Variants in RAP1A observed in about 807,000 individuals in gnomAD.
RAP1A encodes the protein ras-related protein Rap-1A.
Under a neutral mutation model 26.4 loss-of-function variants are expected in RAP1A, and 6 were observed. That is an observed-to-expected ratio of 0.23 (90% confidence interval 0.12 to 0.45). The LOEUF (loss-of-function observed/expected upper bound fraction) is 0.45. Ranked by LOEUF, RAP1A falls within the 20% of genes least tolerant of loss-of-function variation. The pLI, the probability that RAP1A is intolerant of heterozygous loss-of-function variation, is 0.99. For missense variants in RAP1A, 121 were observed against 217.2 expected (o/e 0.56, Z 2.78); for synonymous variants, 73 against 79.4 (o/e 0.92, Z 0.43).
At chr1:111,549,191 T>C (rs1036553261) in intron 1 of RAP1A, among the ~76,000 whole-genome samples, 5 of 152,184 alleles carry the variant, frequency 3.3e-5, no homozygotes, top group Admixed American at 6.5e-5. Context: ...ATTGGTCTTA[T>C]AGAAGGTGTT....
At chr1:111,638,895 A>G (rs1369694411) in intron 1 of RAP1A, among the ~76,000 whole-genome samples, 1 of 151,200 alleles carries the variant, frequency 6.6e-6, no homozygotes, top group Non-Finnish European at 1.5e-5. Flanking sequence ...AAGTATATGT[A>G]TTTTAAGTAG....
chr1:111,547,401 T>A (rs1657072921), intron 1 of RAP1A, among the ~76,000 whole-genome samples: 1 of 152,106 alleles, frequency 6.6e-6, no homozygotes, highest in South Asian at 2.1e-4. Flanking sequence ...TTTTTATATA[T>A]CAAATCAATC....
intron 1 of RAP1A, among the ~76,000 whole-genome samples, chr1:111,613,861 T>C (rs1235613579): frequency 6.6e-6 from 1 of 152,228 alleles, no homozygotes. Context: ...GGCACTAATA[T>C]AGATAACATC....
intron 1 of RAP1A, among the ~76,000 whole-genome samples, chr1:111,642,170 G>A (rs750187484): frequency 4.6e-5 from 7 of 151,972 alleles, no homozygotes; most frequent in Non-Finnish European, 8.8e-5. Context: ...ACGTGAACCC[G>A]GGAGGCGGAG....
intron 1 of RAP1A, among the ~76,000 whole-genome samples, chr1:111,681,407 C>A (rs982452805): frequency 2.6e-5 from 4 of 152,106 alleles, no homozygotes; most frequent in Non-Finnish European, 5.9e-5. Flanking sequence ...CTCTTCCAAG[C>A]TAAAGTGCAT....
intron 1 of RAP1A, among the ~76,000 whole-genome samples, chr1:111,676,631 A>AT (rs1361463129): frequency 1.3e-5 from 2 of 152,188 alleles, no homozygotes; most frequent in Non-Finnish European, 2.9e-5. Flanking sequence ...GTAAATAAAT[A>AT]TACCTATACA....
At chr1:111,641,143 A>G (rs1659877566) in intron 1 of RAP1A, among the ~76,000 whole-genome samples, 1 of 152,244 alleles carries the variant, frequency 6.6e-6, no homozygotes, top group African/African-American at 2.4e-5. Context: ...ATATATGCAT[A>G]TATAGAAATA....
chr1:111,586,742 G>T (rs934082279), intron 1 of RAP1A, among the ~76,000 whole-genome samples: 11 of 152,204 alleles, frequency 7.2e-5, no homozygotes, highest in Non-Finnish European at 1.3e-4. Flanking sequence ...TGAAAGTATA[G>T]ATGAAAGGAT....
chr1:111,627,325 T>C (rs945028636), intron 1 of RAP1A: 1 of 152,312 alleles, frequency 6.6e-6, no homozygotes, highest in South Asian at 2.1e-4. Flanking sequence ...GATCATACTT[T>C]TTTTTCCTGA....
At chr1:111,638,887 G>A (rs1659806222) in intron 1 of RAP1A, among the ~76,000 whole-genome samples, 2 of 150,944 alleles carry the variant, frequency 1.3e-5, no homozygotes, top group Non-Finnish European at 2.9e-5. Context: ...TTTAAGACAA[G>A]TATATGTATT....
chr1:111,556,292 T>C lies in RAP1A; in HGVS notation c.-28+13783T>C, dbSNP rs1419581814. On this transcript the variant is annotated intron_variant, in intron 1 of 7. Transcript: ENST00000356415. ...CAGATAACAAGTATTGGTGAGGCTA[T>C]AGAGAAATTGAAATTATTGTGCACT... 3.3e-5 allele frequency among the ~76,000 whole-genome samples: 5 copies of C among 152,202 alleles called. No homozygotes were observed. The East Asian group carries it at 9.6e-4, about 29-fold the overall frequency.
chr1:111,684,058 A>C (rs1313551940), intron 1 of RAP1A, among the ~76,000 whole-genome samples: 1 of 152,208 alleles, frequency 6.6e-6, no homozygotes, highest in African/African-American at 2.4e-5. Flanking sequence ...CAATGACAAA[A>C]AACACAAGAT....
chr1:111,634,283 T>G (rs116194587), intron 1 of RAP1A, among the ~76,000 whole-genome samples: 7,499 of 152,184 alleles, frequency 0.049, 233 homozygotes, highest in South Asian at 0.087. Context: ...TAAATATTTT[T>G]TAGTTATATA....
chr1:111,666,213 CTAT>C (rs1434620699), intron 1 of RAP1A, among the ~76,000 whole-genome samples: 3 of 152,130 alleles, frequency 2.0e-5, no homozygotes, highest in Non-Finnish European at 4.4e-5. Flanking sequence ...GTAAACAAAG[CTAT>C]TATATTTGAA....
intron 1 of RAP1A, among the ~76,000 whole-genome samples, chr1:111,647,772 A>T (rs1432936719): frequency 6.6e-6 from 1 of 151,566 alleles, no homozygotes; most frequent in African/African-American, 2.4e-5. Context: ...CAAACTCCTA[A>T]CCCCTTCCCA....
At chr1:111,704,230 T>C in intron 5 of RAP1A, 113 bp from the exon 6 acceptor site, 1 of 1,097,742 alleles carries the variant, frequency 9.1e-7, no homozygotes, top group Non-Finnish European at 1.3e-6. Flanking sequence ...TGATGAAGCT[T>C]GCGGTCCCAA....
intron 1 of RAP1A, among the ~76,000 whole-genome samples, chr1:111,672,864 T>G (rs1661016954): frequency 6.6e-6 from 1 of 152,216 alleles, no homozygotes; most frequent in South Asian, 2.1e-4. Context: ...TTTTCTTTCC[T>G]CTTCCCACTG....
upstream of RAP1A, among the ~76,000 whole-genome samples, chr1:111,615,691 C>T (rs965067243): frequency 1.3e-5 from 2 of 151,872 alleles, no homozygotes; most frequent in Admixed American, 6.6e-5. Context: ...ATTAGCTGGC[C>T]GTGGTGGCCT....
intron 1 of RAP1A, among the ~76,000 whole-genome samples, chr1:111,623,489 C>T (rs1361901843): frequency 6.6e-6 from 1 of 152,144 alleles, no homozygotes; most frequent in Non-Finnish European, 1.5e-5. Flanking sequence ...TCACTGCAAC[C>T]TCTGCCTCCG....
Sources: allele counts gnomAD v4.1 joint callset (sites outside exome capture counted in the v4.1 genomes callset), GRCh38; gene constraint gnomAD v4.1.1; transcripts MANE v1.5; gene names NCBI Gene and HGNC (gene_info 2026-07-23, HGNC 2026-07-21).